ALOX5AP: variants seen among roughly 807,000 people sequenced by gnomAD.
ALOX5AP encodes the protein arachidonate 5-lipoxygenase activating protein, also known as arachidonate 5-lipoxygenase-activating protein.
A neutral mutation model predicts 18.5 loss-of-function variants in ALOX5AP; 9 were observed. That is an observed-to-expected ratio of 0.49 (90% CI 0.29 to 0.85). The LOEUF is 0.85. Among genes scored for constraint, ALOX5AP ranks in the 40% least tolerant of loss-of-function variants. ALOX5AP has a pLI of 0.08. For missense variants in ALOX5AP, 172 were observed against 202.5 expected, an observed-to-expected ratio of 0.85 and a Z score of 0.91; for synonymous variants, 81 against 78.6, an observed-to-expected ratio of 1.03 and a Z score of -0.16.
At chr13:30,717,422 T>C (rs552583524) in intron 1 of ALOX5AP, among the ~76,000 whole-genome samples, 1 of 152,248 alleles carries the variant, frequency 6.6e-6, no homozygotes, top group African/African-American at 2.4e-5. Context: ...TACTGGGAGA[T>C]AGTGTCAGAT....
At chr13:30,724,619 G>T (rs763484951) in intron 1 of ALOX5AP, among the ~76,000 whole-genome samples, 1 of 152,244 alleles carries the variant, frequency 6.6e-6, no homozygotes, top group South Asian at 2.1e-4. Context: ...GAGCAAAGCT[G>T]TGTCATTCCC....
Position 30,756,124 on chromosome 13 carries a change from C to T in ALOX5AP, c.323+99C>T, listed in dbSNP as rs12721460. The T allele has an allele frequency of 3.2e-3, 3,630 of 1,150,322 alleles. 93 individuals are homozygous for T. The African/African-American group carries it at 0.05, about 16-fold the overall frequency. 71.3% of individuals were successfully genotyped at this position (1,150,322 alleles called of 1,614,324 possible). ...CAGTATTTGACTAGATTCACGGCTC[C>T]GTAGCATCCCCTTGGGTGGGAGGGG... On this transcript the variant is annotated intron_variant, in intron 4 of 4. Transcript: ENST00000380490.
chr13:30,755,683 T>C (rs1951887537), intron 3 of ALOX5AP, among the ~76,000 whole-genome samples: 2 of 152,208 alleles, frequency 1.3e-5, no homozygotes, highest in Admixed American at 6.5e-5. Context: ...TGTGTTGGGC[T>C]GTATTCAAAG....
At chr13:30,753,214 GC>G (rs1470898940) in intron 3 of ALOX5AP, among the ~76,000 whole-genome samples, 2 of 152,186 alleles carry the variant, frequency 1.3e-5, no homozygotes, top group Non-Finnish European at 2.9e-5. Context: ...CAGAGGTGAG[GC>G]GGCAGCAGAA....
chr13:30,740,168 C>T (rs1287946139), intron 1 of ALOX5AP, among the ~76,000 whole-genome samples: 1 of 152,202 alleles, frequency 6.6e-6, no homozygotes, highest in African/African-American at 2.4e-5. Flanking sequence ...TTCCTGAGAT[C>T]CGGGCATCGA....
chr13:30,757,637 C>T (rs1951907418), intron 4 of ALOX5AP, among the ~76,000 whole-genome samples: 1 of 152,094 alleles, frequency 6.6e-6, no homozygotes, highest in South Asian at 2.1e-4. Flanking sequence ...CCTGCAAAGT[C>T]CCAGGGATGT....
intron 1 of ALOX5AP, among the ~76,000 whole-genome samples, chr13:30,739,273 C>T (rs890369630): frequency 1.3e-5 from 2 of 152,216 alleles, no homozygotes; most frequent in Non-Finnish European, 1.5e-5. Flanking sequence ...CTTGCACTCA[C>T]CCACTCATGC....
chr13:30,764,209 A>C lies in ALOX5AP; in HGVS notation c.*103A>C, dbSNP rs1951971108. On this transcript the variant is annotated 3_prime_UTR_variant, in exon 5 of 5. Coordinates refer to ENST00000380490, the MANE Select transcript of ALOX5AP (RefSeq NM_001629.4). ...TCTGCTCTTCTTTAGATGGCTGTAA[A>C]TCTATTGGCCATCTGGGCTTCACAG... 2 of 1,305,006 alleles carry C rather than the reference A, an allele frequency of 1.5e-6. No individual in the cohort carries two copies. The highest frequency in any genetic ancestry group is 3.0e-5 in the African/African-American group (2 of 66,696). 80.8% of individuals were successfully genotyped at this position (1,305,006 alleles called of 1,614,324 possible).
At chr13:30,728,028 C>T (rs4238134) in intron 1 of ALOX5AP, among the ~76,000 whole-genome samples, 145,779 of 152,246 alleles carry the variant, frequency 0.96, 70,117 homozygotes, top group Middle Eastern at 1. Context: ...GTAACCTCAT[C>T]TGGGAATAGC....
At chr13:30,748,667 G>T (rs769829205) in intron 2 of ALOX5AP, among the ~76,000 whole-genome samples, 20 of 152,228 alleles carry the variant, frequency 1.3e-4, no homozygotes, top group Non-Finnish European at 2.9e-4. Flanking sequence ...TAAGAAGGAA[G>T]ACATTGGAAC....
chr13:30,737,043 G>T (rs1459163167), intron 1 of ALOX5AP, among the ~76,000 whole-genome samples: 1 of 152,248 alleles, frequency 6.6e-6, no homozygotes, highest in African/African-American at 2.4e-5. Context: ...TGCAGTCTCT[G>T]CAAAGGTAGC....
chr13:30,744,567 C>T (rs1011263432), intron 2 of ALOX5AP, among the ~76,000 whole-genome samples: 3 of 152,204 alleles, frequency 2.0e-5, no homozygotes, highest in African/African-American at 4.8e-5. Flanking sequence ...ACTCACCCAC[C>T]CCTTGCTCCC....
At chr13:30,748,191 T>G (rs1459248272) in intron 2 of ALOX5AP, among the ~76,000 whole-genome samples, 1 of 152,136 alleles carries the variant, frequency 6.6e-6, no homozygotes, top group Non-Finnish European at 1.5e-5. Context: ...AGTGCTCAGA[T>G]TACAGACGTG....
At chr13:30,746,223 A>T (rs1235959115) in intron 2 of ALOX5AP, among the ~76,000 whole-genome samples, 2 of 152,218 alleles carry the variant, frequency 1.3e-5, no homozygotes, top group African/African-American at 4.8e-5. Flanking sequence ...GCCAGAGATT[A>T]AAAAGCGTAA....
chr13:30,757,037 C>T (rs1024354001), intron 4 of ALOX5AP, among the ~76,000 whole-genome samples: 1 of 152,090 alleles, frequency 6.6e-6, no homozygotes, highest in East Asian at 1.9e-4. Flanking sequence ...TTAGAGATTG[C>T]AATTCCTAAT....
intron 2 of ALOX5AP, among the ~76,000 whole-genome samples, chr13:30,750,993 T>C (rs1473422079): frequency 6.6e-6 from 1 of 152,244 alleles, no homozygotes; most frequent in Admixed American, 6.5e-5. Flanking sequence ...ATTGCAGCCC[T>C]GCTAATATCT....
chr13:30,728,244 T>C (rs1348854092), intron 1 of ALOX5AP, among the ~76,000 whole-genome samples: 2 of 152,184 alleles, frequency 1.3e-5, no homozygotes, highest in African/African-American at 4.8e-5. Flanking sequence ...CCTCCCTTAG[T>C]GATTTTACAG....
chr13:30,744,458 T>C (rs1951792727), intron 2 of ALOX5AP: 1 of 270,196 alleles, frequency 3.7e-6, no homozygotes, highest in Admixed American at 4.6e-5. Flanking sequence ...TTGACCTATT[T>C]CCTGTGGGGT....
intron 1 of ALOX5AP, among the ~76,000 whole-genome samples, chr13:30,716,208 C>T (rs981681963): frequency 6.6e-6 from 1 of 152,234 alleles, no homozygotes; most frequent in Non-Finnish European, 1.5e-5. Flanking sequence ...CAATCATGAG[C>T]ACAGCTTTAC....
Sources: allele counts gnomAD v4.1 joint callset (sites outside exome capture counted in the v4.1 genomes callset), GRCh38; gene constraint gnomAD v4.1.1; transcripts MANE v1.5; gene names NCBI Gene and HGNC (gene_info 2026-07-23, HGNC 2026-07-21).